Variants in VWA8 observed in about 807,000 individuals in gnomAD.
VWA8 encodes the protein von Willebrand factor A domain-containing protein 8.
In VWA8, 221 loss-of-function variants were observed where a neutral mutation model predicts 241.5. That is an observed-to-expected ratio of 0.91 (90% confidence interval 0.82 to 1.02). The LOEUF is 1.02. VWA8 is among the 50% of genes least tolerant of loss of function. The pLI, the probability that VWA8 is intolerant of heterozygous loss-of-function variation, is 0.00. For synonymous variants in VWA8, 852 were observed against 827.1 expected, an observed-to-expected ratio of 1.03 and a Z score of -0.52; for missense variants, 2,322 against 2,328.7, an observed-to-expected ratio of 1.00 and a Z score of 0.06.
At chr13:41,692,785 G>T in intron 30 of VWA8, 77 bp downstream of exon 30, 2 of 1,116,908 alleles carry the variant, frequency 1.8e-6, no homozygotes, top group Non-Finnish European at 2.6e-6. Flanking sequence ...TTAAAGGGAT[G>T]GGCATGCATG....
At chr13:41,951,729 G>A (rs7317045) in intron 1 of VWA8, among the ~76,000 whole-genome samples, 56,105 of 152,010 alleles carry the variant, frequency 0.37, 10,946 homozygotes, top group African/African-American at 0.51. Flanking sequence ...GAACACTAAG[G>A]CCTTAAATCA....
rs1243334419 is a variant in VWA8, at chr13:41,605,167, C to T, written c.4986+1G>A. On this transcript the variant is annotated splice_donor_variant, in intron 40 of 44. Coordinates refer to ENST00000379310, the MANE Select transcript of VWA8 (RefSeq NM_015058.2). LOFTEE classifies it high-confidence loss of function. Reference sequence around the variant, plus strand: ...TTCTTGGTCCATAAGTAGAAGATTACCTGTAAATTATCCAGGATGATTCGG... The same window carrying T: ...TTCTTGGTCCATAAGTAGAAGATTATCTGTAAATTATCCAGGATGATTCGG... 6.2e-7 allele frequency: 1 copy of T among 1,612,606 alleles called. No homozygotes were observed. The highest frequency in any genetic ancestry group is 1.1e-5 in the South Asian group (1 of 91,016).
Position 41,727,173 on chromosome 13 carries a change from TA to T in VWA8, c.2758+20del. The stretch of plus-strand genomic sequence containing the variant: ...TTATTATTACTGCTATTGGTATTGT[TA>T]TTATCATTACTGTTTTTACCTAAGG... On this transcript the variant is annotated intron_variant, in intron 24 of 44. Transcript: ENST00000379310. 1 of 1,520,786 alleles carries T rather than the reference TA, an allele frequency of 6.6e-7. No homozygotes were observed. Among genetic ancestry groups the T allele is most frequent in the Non-Finnish European group, 8.9e-7 (1 of 1,127,168 alleles). The allele number at this position is 1,520,786 out of a possible 1,614,324, so 94.2% of individuals were successfully genotyped here. A position where few individuals can be genotyped will look rare whatever the true frequency, so the allele number is the denominator to read the frequency against.
At position 41,891,480 on chromosome 13, in the gene VWA8, C is replaced by T; in HGVS notation, c.591G>A (p.Glu197=). ...GGAAGCGTCCATCTTCAAGCTGCAT[C>T]TCTCTGTTTTCCAGCAAGTTGTTCA... ...PVLNNLLENR[E]MQLEDGRFLM... The change falls in exon 5 of 45, where the codon GAG becomes GAA. Residue 197 remains glutamate, a synonymous_variant. Coordinates refer to ENST00000379310, the MANE Select transcript of VWA8 (RefSeq NM_015058.2). 1 of 1,614,126 alleles carries T rather than the reference C, an allele frequency of 6.2e-7. No homozygotes were observed. The highest frequency in any genetic ancestry group is 8.5e-7 in the Non-Finnish European group (1 of 1,180,022).
At chr13:41,932,318 A>C (rs1294102289) in intron 2 of VWA8, among the ~76,000 whole-genome samples, 8 of 152,102 alleles carry the variant, frequency 5.3e-5, no homozygotes, top group South Asian at 2.1e-4. Context: ...ATTTACAGTT[A>C]ATAACCTCCC....
intron 29 of VWA8, among the ~76,000 whole-genome samples, chr13:41,694,538 G>C (rs190442486): frequency 2.2e-4 from 33 of 151,966 alleles, no homozygotes; most frequent in African/African-American, 4.8e-4. Flanking sequence ...TGATATCTTA[G>C]AGTTTTCCTT....
At chr13:41,868,314 A>G in intron 10 of VWA8, 32 bp downstream of exon 10, 1 of 1,612,458 alleles carries the variant, frequency 6.2e-7, no homozygotes, top group Non-Finnish European at 8.5e-7. Context: ...AATAAGGTAT[A>G]TCATAGAAAG....
At chr13:41,920,154 G>A (rs184139341) in intron 2 of VWA8, among the ~76,000 whole-genome samples, 1 of 152,274 alleles carries the variant, frequency 6.6e-6, no homozygotes, top group African/African-American at 2.4e-5. Flanking sequence ...CACCATCCCA[G>A]CATCAAGAGT....
chr13:41,934,013 T>C (rs1451715753), intron 2 of VWA8, among the ~76,000 whole-genome samples: 1 of 151,450 alleles, frequency 6.6e-6, no homozygotes, highest in African/African-American at 2.4e-5. Context: ...CAGAGAACAC[T>C]ATTAGGAGAA....
At chr13:41,913,165 T>C (rs568955352) in intron 2 of VWA8, among the ~76,000 whole-genome samples, 20 of 152,356 alleles carry the variant, frequency 1.3e-4, no homozygotes, top group African/African-American at 4.8e-4. Flanking sequence ...AATACCATTT[T>C]AATAAATCTC....
chr13:41,866,880 TC>T (rs1189567604), intron 10 of VWA8, among the ~76,000 whole-genome samples: 1 of 152,210 alleles, frequency 6.6e-6, no homozygotes, highest in Non-Finnish European at 1.5e-5. Context: ...TCTCTTCCCA[TC>T]TTTTACATCT....
intron 43 of VWA8, among the ~76,000 whole-genome samples, chr13:41,571,210 G>A (rs751852738): frequency 4.3e-4 from 65 of 151,834 alleles, no homozygotes; most frequent in Non-Finnish European, 7.1e-4. Flanking sequence ...TTGGGGACAG[G>A]GAGCACTCTA....
intron 43 of VWA8, among the ~76,000 whole-genome samples, chr13:41,572,933 C>CCGG (rs1555303429): frequency 0.041 from 6,104 of 148,054 alleles, 166 homozygotes; most frequent in African/African-American, 0.081. Context: ...CATGGTGGAA[C>CCGG]CCTGTCTCTA....
At chr13:41,831,342 C>A (rs1007190961) in intron 13 of VWA8, among the ~76,000 whole-genome samples, 2 of 152,098 alleles carry the variant, frequency 1.3e-5, no homozygotes, top group East Asian at 3.9e-4. Context: ...GGGTTCAACT[C>A]CAGCTGTGCA....
intron 12 of VWA8, among the ~76,000 whole-genome samples, chr13:41,839,946 A>G (rs1871920163): frequency 6.6e-6 from 1 of 152,196 alleles, no homozygotes; most frequent in Non-Finnish European, 1.5e-5. Flanking sequence ...CATTGAATGT[A>G]TAAATTACTT....
chr13:41,573,927 AAAT>A (rs1237907315), intron 43 of VWA8, among the ~76,000 whole-genome samples: 1 of 152,100 alleles, frequency 6.6e-6, no homozygotes, highest in Admixed American at 6.5e-5. Context: ...TGGCCGTAAA[AAAT>A]AATTTAATTG....
At chr13:41,761,064 G>T in intron 21 of VWA8, 64 bp downstream of exon 21, 1 of 1,522,350 alleles carries the variant, frequency 6.6e-7, no homozygotes, top group Non-Finnish European at 9.0e-7. Context: ...TTTTTAAATT[G>T]TACCAGGAGG....
intron 21 of VWA8, among the ~76,000 whole-genome samples, chr13:41,736,644 CATAAGAG>C (rs2137871764): frequency 1.3e-5 from 2 of 151,800 alleles, no homozygotes; most frequent in South Asian, 4.2e-4. Context: ...AATAGTTAAA[CATAAGAG>C]TAAAGGAAGA....
chr13:41,671,331 TAAAC>T (rs2045021938), intron 36 of VWA8, among the ~76,000 whole-genome samples, 184 bp from the exon 37 acceptor site: 2 of 152,078 alleles, frequency 1.3e-5, no homozygotes, highest in African/African-American at 4.8e-5. Context: ...CAAAAGTTCT[TAAAC>T]AAACATGCCC....
Sources: allele counts gnomAD v4.1 joint callset (sites outside exome capture counted in the v4.1 genomes callset), GRCh38; gene constraint gnomAD v4.1.1; transcripts MANE v1.5; gene names NCBI Gene and HGNC (gene_info 2026-07-23, HGNC 2026-07-21).